Variants in KCND2 observed in about 807,000 individuals in gnomAD.
KCND2 encodes the protein A-type voltage-gated potassium channel KCND2.
A neutral mutation model predicts 54.4 loss-of-function variants in KCND2; 16 were observed. The observed-to-expected ratio is 0.29, with a 90% CI of 0.20 to 0.45. The LOEUF (loss-of-function observed/expected upper bound fraction) is 0.45, where lower values mean the gene tolerates loss of function less well. Among genes scored for constraint, KCND2 ranks in the 20% least tolerant of loss-of-function variants. The pLI is 1.00. For missense variants in KCND2, 486 were observed against 824.2 expected (o/e 0.59, Z 5.02); for synonymous variants, 317 against 310.7 (o/e 1.02, Z -0.21).
chr7:120,547,493 CAT>C (rs922063423), intron 1 of KCND2, among the ~76,000 whole-genome samples: 1 of 151,818 alleles, frequency 6.6e-6, no homozygotes, highest in Non-Finnish European at 1.5e-5. Flanking sequence ...AGCAGAAACT[CAT>C]AGATATGTTT....
At chr7:120,342,990 A>T (rs1800263785) in intron 1 of KCND2, among the ~76,000 whole-genome samples, 1 of 152,172 alleles carries the variant, frequency 6.6e-6, no homozygotes, top group Non-Finnish European at 1.5e-5. Context: ...TGTTCCATAT[A>T]GTTATTGAGG....
chr7:120,580,868 AAGG>A (rs895061596), intron 1 of KCND2, among the ~76,000 whole-genome samples: 1 of 152,192 alleles, frequency 6.6e-6, no homozygotes, highest in Non-Finnish European at 1.5e-5. Flanking sequence ...CCATCCCTAA[AAGG>A]AGTCAAAATA....
At chr7:120,431,334 A>G (rs527473552) in intron 1 of KCND2, among the ~76,000 whole-genome samples, 5 of 152,326 alleles carry the variant, frequency 3.3e-5, no homozygotes, top group South Asian at 4.1e-4. Context: ...AACGTAGCCT[A>G]TGGTCCAGTG....
At chr7:120,469,851 G>A (rs114018482) in intron 1 of KCND2, among the ~76,000 whole-genome samples, 2,584 of 152,166 alleles carry the variant, frequency 0.017, 73 homozygotes, top group African/African-American at 0.059. Flanking sequence ...TTACTCAAAT[G>A]CAAGACTAAA....
At position 120,552,280 on chromosome 7, in the gene KCND2, C is replaced by T. The variant is rs78185337; in HGVS notation, c.1116-180623C>T. Among the ~76,000 whole-genome samples the T allele has an allele frequency of 2.4e-3, 362 of 152,234 alleles. 7 individuals are homozygous for T. The East Asian group carries it at 0.054, about 23-fold the overall frequency. ...TTATTTACTGGATGTGAAAGAGTAA[C>T]TAATAGTGAGAACAGATTTCTAAAT... On this transcript the variant is annotated intron_variant, in intron 1 of 5. Coordinates refer to ENST00000331113, the MANE Select transcript of KCND2 (RefSeq NM_012281.3).
At position 120,313,912 on chromosome 7, in the gene KCND2, C is replaced by A. The variant is rs369089923; in HGVS notation, c.1115+38165C>A. ...TGGGAATTTAAACCTCTATTTTAAACCTTTGTAAGGACACTTTTATTTCTT... is the reference window on the plus strand; with the variant it reads ...TGGGAATTTAAACCTCTATTTTAAAACTTTGTAAGGACACTTTTATTTCTT... On this transcript the variant is annotated intron_variant, in intron 1 of 5. Coordinates refer to ENST00000331113, the MANE Select transcript of KCND2 (RefSeq NM_012281.3). 7.3e-4 allele frequency among the ~76,000 whole-genome samples: 111 copies of A among 151,756 alleles called. 1 individual carries two copies. The highest frequency in any genetic ancestry group is 6.6e-4 in the Non-Finnish European group (45 of 67,922).
intron 1 of KCND2, among the ~76,000 whole-genome samples, chr7:120,537,468 T>C (rs1362294595): frequency 6.6e-6 from 1 of 152,160 alleles, no homozygotes; most frequent in Non-Finnish European, 1.5e-5. Context: ...CCAGCTGCAT[T>C]ATCCCCTAAC....
At chr7:120,608,469 G>A (rs549967435) in intron 1 of KCND2, among the ~76,000 whole-genome samples, 45 of 152,174 alleles carry the variant, frequency 3.0e-4, no homozygotes, top group African/African-American at 1.0e-3. Context: ...CTTGGTTATG[G>A]CACCTTCTTC....
At chr7:120,511,099 T>A (rs1803107892) in intron 1 of KCND2, among the ~76,000 whole-genome samples, 1 of 151,650 alleles carries the variant, frequency 6.6e-6, no homozygotes, top group Admixed American at 6.6e-5. Flanking sequence ...CACCCTAGTC[T>A]CTTGCTATTT....
chr7:120,340,950 A>C (rs902262868), intron 1 of KCND2, among the ~76,000 whole-genome samples: 3 of 152,216 alleles, frequency 2.0e-5, no homozygotes, highest in African/African-American at 7.2e-5. Context: ...CATAAGGAAA[A>C]AATAGTGACG....
chr7:120,741,029 T>C (rs1792934420), intron 2 of KCND2, among the ~76,000 whole-genome samples: 1 of 147,962 alleles, frequency 6.8e-6, no homozygotes, highest in African/African-American at 2.5e-5. Context: ...GATGCAGATA[T>C]AGATGAATAA....
intron 1 of KCND2, among the ~76,000 whole-genome samples, chr7:120,376,203 T>C (rs1290321042): frequency 1.3e-5 from 2 of 151,808 alleles, no homozygotes; most frequent in Non-Finnish European, 2.9e-5. Flanking sequence ...TTATCTGTAT[T>C]CTATTTCTTT....
At chr7:120,285,722 C>A (rs1300665348) in intron 1 of KCND2, among the ~76,000 whole-genome samples, 1 of 151,722 alleles carries the variant, frequency 6.6e-6, no homozygotes, top group Non-Finnish European at 1.5e-5. Flanking sequence ...TCTGCTATTA[C>A]TTTTTTAATA....
intron 1 of KCND2, among the ~76,000 whole-genome samples, chr7:120,341,871 A>T (rs955353885): frequency 6.6e-6 from 1 of 152,132 alleles, no homozygotes; most frequent in African/African-American, 2.4e-5. Context: ...AACAGTGAAG[A>T]TAATGATCAA....
chr7:120,295,518 C>T (rs1799499791), intron 1 of KCND2, among the ~76,000 whole-genome samples: 2 of 151,684 alleles, frequency 1.3e-5, no homozygotes, highest in African/African-American at 4.8e-5. Flanking sequence ...TGAGGAGTTT[C>T]ACAGAAGGCT....
At chr7:120,475,031 G>A (rs1330956405) in intron 1 of KCND2, among the ~76,000 whole-genome samples, 1 of 152,048 alleles carries the variant, frequency 6.6e-6, no homozygotes, top group South Asian at 2.1e-4. Flanking sequence ...AACAATTAAG[G>A]TCCTGTTTTT....
intron 1 of KCND2, among the ~76,000 whole-genome samples, chr7:120,368,992 C>A (rs1800725692): frequency 6.6e-6 from 1 of 152,044 alleles, no homozygotes; most frequent in African/African-American, 2.4e-5. Flanking sequence ...TAAGCTGGAG[C>A]TACTGTTTGT....
At chr7:120,361,042 G>T (rs1388043121) in intron 1 of KCND2, among the ~76,000 whole-genome samples, 4 of 152,010 alleles carry the variant, frequency 2.6e-5, no homozygotes, top group South Asian at 2.1e-4. Context: ...ACACACATAT[G>T]ATAAGACTTT....
At chr7:120,720,309 T>C (rs1376869034) in intron 1 of KCND2, among the ~76,000 whole-genome samples, 1 of 152,110 alleles carries the variant, frequency 6.6e-6, no homozygotes, top group Admixed American at 6.6e-5. Context: ...TTTTCTGCTT[T>C]TAAGGGGAGG....
Sources: gnomAD v4.1 joint callset for allele counts (sites outside exome capture counted in the v4.1 genomes callset) on GRCh38, gnomAD v4.1.1 for gene constraint, MANE v1.5 for transcripts, NCBI Gene and HGNC (gene_info 2026-07-23, HGNC 2026-07-21) for gene names.